PARD3: variants seen among roughly 807,000 people sequenced by gnomAD.
The protein encoded by PARD3 is partitioning defective 3 homolog.
PARD3 carries 75 observed loss-of-function variants against 155.4 expected under a neutral mutation model. The observed-to-expected ratio is 0.48, with a 90% CI of 0.40 to 0.58. The LOEUF is 0.58. Among genes scored for constraint, PARD3 ranks in the 20% least tolerant of loss-of-function variants. The pLI is 0.00. For synonymous variants in PARD3, 576 were observed against 610.5 expected (o/e 0.94, Z 0.83); for missense variants, 1,642 against 1,721.7 (o/e 0.95, Z 0.82).
chr10:34,701,704 G>T (rs537559885), intron 1 of PARD3, among the ~76,000 whole-genome samples: 1 of 152,078 alleles, frequency 6.6e-6, no homozygotes, highest in African/African-American at 2.4e-5. Flanking sequence ...AGACTAGTCT[G>T]GGGAACGTAG....
intron 2 of PARD3, among the ~76,000 whole-genome samples, chr10:34,533,368 C>T (rs1406619895): frequency 6.6e-6 from 1 of 152,098 alleles, no homozygotes; most frequent in East Asian, 1.9e-4. Flanking sequence ...TACCCCAAAC[C>T]TCAACATAAC....
chr10:34,382,535 C>T lies in PARD3; in HGVS notation c.1399+5G>A, dbSNP rs764752725. On this transcript the variant is annotated splice_donor_5th_base_variant and intron_variant, in intron 9 of 24. Transcript: ENST00000374788. The stretch of plus-strand genomic sequence containing the variant: ...TCCACAAAACAAAAACAGGATAGGT[C>T]GTACCTTTCTTAAGCTGGATATTAA... 21 of 1,610,426 alleles carry T rather than the reference C, an allele frequency of 1.3e-5. No individual in the cohort carries two copies. The highest frequency in any genetic ancestry group is 2.0e-4 in the Middle Eastern group (1 of 4,990).
chr10:34,152,216 T>A (rs959807362), intron 22 of PARD3, among the ~76,000 whole-genome samples: 12 of 152,122 alleles, frequency 7.9e-5, no homozygotes, highest in Non-Finnish European at 1.6e-4. Context: ...TAAAAAAAAA[T>A]TCCATCAACC....
intron 2 of PARD3, among the ~76,000 whole-genome samples, chr10:34,654,689 C>T (rs1041731072): frequency 1.3e-5 from 2 of 152,216 alleles, no homozygotes; most frequent in African/African-American, 4.8e-5. Flanking sequence ...CCAAGTTCAC[C>T]TCTAATGTGG....
intron 2 of PARD3, among the ~76,000 whole-genome samples, chr10:34,655,882 A>G (rs910186758): frequency 6.6e-6 from 1 of 152,220 alleles, no homozygotes; most frequent in Non-Finnish European, 1.5e-5. Context: ...GTAACAACAG[A>G]TGCCATGAAG....
intron 22 of PARD3, among the ~76,000 whole-genome samples, chr10:34,185,612 T>G (rs1950451193): frequency 6.6e-6 from 1 of 152,008 alleles, no homozygotes; most frequent in Non-Finnish European, 1.5e-5. Flanking sequence ...GACACGGCAT[T>G]TATCTTTAAG....
At chr10:34,522,530 T>A (rs2082209739) in intron 2 of PARD3, among the ~76,000 whole-genome samples, 1 of 152,166 alleles carries the variant, frequency 6.6e-6, no homozygotes, top group African/African-American at 2.4e-5. Context: ...TTTTATTAAA[T>A]TATATTGTGA....
chr10:34,508,626 C>A (rs777663452), intron 3 of PARD3, among the ~76,000 whole-genome samples: 5 of 152,084 alleles, frequency 3.3e-5, no homozygotes, highest in Non-Finnish European at 5.9e-5. Flanking sequence ...AACTGTGTGA[C>A]CCTGAAAGCT....
chr10:34,729,784 GA>G (rs1413525086), intron 1 of PARD3, among the ~76,000 whole-genome samples: 1 of 152,130 alleles, frequency 6.6e-6, no homozygotes, highest in Non-Finnish European at 1.5e-5. Context: ...GGAGGAGCCG[GA>G]AAAGTAATCT....
intron 21 of PARD3, among the ~76,000 whole-genome samples, chr10:34,277,189 T>C (rs1019365646): frequency 6.6e-6 from 1 of 152,090 alleles, no homozygotes; most frequent in African/African-American, 2.4e-5. Context: ...AAACCCAAAT[T>C]CATGGCGAAA....
intron 12 of PARD3, among the ~76,000 whole-genome samples, chr10:34,371,497 A>C (rs1840620391): frequency 1.8e-5 from 1 of 55,986 alleles, no homozygotes; most frequent in South Asian, 5.5e-4. Flanking sequence ...AAAAAAAAAA[A>C]AAAAAAAAAA....
At chr10:34,299,970 C>T (rs769253831) in intron 20 of PARD3, among the ~76,000 whole-genome samples, 8 of 152,100 alleles carry the variant, frequency 5.3e-5, no homozygotes, top group Non-Finnish European at 5.9e-5. Context: ...CTACACTTTC[C>T]TGGGAAATAC....
rs76651141 is a variant in PARD3 at position 34,289,495 on chromosome 10, T to TTAA, written c.3066-5253_3066-5251dup. Among the ~76,000 whole-genome samples, 450 of 151,166 alleles carry TTAA rather than the reference T, an allele frequency of 3.0e-3. 2 individuals carry two copies. Among genetic ancestry groups the TTAA allele is most frequent in the South Asian group, 5.4e-3 (26 of 4,790 alleles). Reference sequence around the variant, plus strand: ...GTGAGCCACTGCATCTGGCCAGATCTTAATAATAATAATAATAATAATAAG... The same window carrying TTAA: ...GTGAGCCACTGCATCTGGCCAGATCTTAATAATAATAATAATAATAATAATAAG... On this transcript the variant is annotated intron_variant, in intron 20 of 24. Coordinates refer to ENST00000374788, the MANE Select transcript of PARD3 (RefSeq NM_001184785.2).
intron 1 of PARD3, among the ~76,000 whole-genome samples, chr10:34,809,393 C>A (rs2134412255): frequency 6.6e-6 from 1 of 152,268 alleles, no homozygotes; most frequent in Non-Finnish European, 1.5e-5. Context: ...CACAGCACAG[C>A]CCAAGCATCT....
chr10:34,341,316 CAAT>C (rs1368022738), intron 16 of PARD3, among the ~76,000 whole-genome samples: 1 of 151,554 alleles, frequency 6.6e-6, no homozygotes, highest in Non-Finnish European at 1.5e-5. Flanking sequence ...AATTAAAAAA[CAAT>C]GCATCAAATT....
At chr10:34,158,580 C>T (rs1475887680) in intron 22 of PARD3, among the ~76,000 whole-genome samples, 2 of 152,164 alleles carry the variant, frequency 1.3e-5, no homozygotes, top group Non-Finnish European at 2.9e-5. Context: ...AGACTTCCAG[C>T]CCATCTATAA....
intron 7 of PARD3, among the ~76,000 whole-genome samples, chr10:34,385,532 T>A (rs1356976703): frequency 6.6e-6 from 1 of 152,102 alleles, no homozygotes; most frequent in Non-Finnish European, 1.5e-5. Flanking sequence ...ATAATCCTAA[T>A]AAAGAGACAA....
intron 4 of PARD3, among the ~76,000 whole-genome samples, chr10:34,461,025 T>C (rs757876778): frequency 9.2e-5 from 14 of 152,170 alleles, no homozygotes; most frequent in Non-Finnish European, 1.9e-4. Flanking sequence ...ATTTGGCTTA[T>C]AGGTAAAATA....
intron 22 of PARD3, among the ~76,000 whole-genome samples, chr10:34,143,496 A>T (rs1022102210): frequency 6.6e-6 from 1 of 152,214 alleles, no homozygotes; most frequent in African/African-American, 2.4e-5. Flanking sequence ...TCATGAAATG[A>T]TTACAAAGAA....
Sources: allele counts gnomAD v4.1 joint callset (sites outside exome capture counted in the v4.1 genomes callset), GRCh38; gene constraint gnomAD v4.1.1; transcripts MANE v1.5; gene names NCBI Gene and HGNC (gene_info 2026-07-23, HGNC 2026-07-21).